Variants in RMDN2 observed in about 807,000 individuals in gnomAD.
The protein encoded by RMDN2 is regulator of microtubule dynamics 2, also known as regulator of microtubule dynamics protein 2.
In RMDN2, 61 loss-of-function variants were observed where a neutral mutation model predicts 52.8. The observed-to-expected ratio is 1.16, with a 90% CI of 0.94 to 1.43. The LOEUF is 1.43. RMDN2 is among the 40% of genes most tolerant of loss of function. The pLI, the probability that RMDN2 is intolerant of heterozygous loss-of-function variation, is 0.00. For synonymous variants in RMDN2, 180 were observed against 153.1 expected (o/e 1.18, Z -1.30); for missense variants, 592 against 475.3 (o/e 1.25, Z -2.28).
At chr2:38,007,914 C>G (rs1213361550) in intron 10 of RMDN2, among the ~76,000 whole-genome samples, 1 of 152,038 alleles carries the variant, frequency 6.6e-6, no homozygotes, top group Non-Finnish European at 1.5e-5. Flanking sequence ...TATCTTTGTT[C>G]TCGTTGGTTT....
At chr2:37,958,127 G>T (rs1228039085) in intron 2 of RMDN2, among the ~76,000 whole-genome samples, 1 of 152,098 alleles carries the variant, frequency 6.6e-6, no homozygotes. Flanking sequence ...TGACTATATG[G>T]GCTCTTTTTT....
At chr2:37,930,124 A>G (rs1666605265) in intron 2 of RMDN2, among the ~76,000 whole-genome samples, 1 of 152,244 alleles carries the variant, frequency 6.6e-6, no homozygotes, top group African/African-American at 2.4e-5. Flanking sequence ...CCAATGTGGT[A>G]GCCACTAGCC....
At chr2:38,018,252 A>G (rs537647569), downstream of RMDN2, among the ~76,000 whole-genome samples, 3 of 152,346 alleles carry the variant, frequency 2.0e-5, no homozygotes, top group East Asian at 1.9e-4. Context: ...CAATATTGTC[A>G]TGAGATGGAG....
upstream of RMDN2, among the ~76,000 whole-genome samples, chr2:37,921,961 C>G (rs946427564): frequency 7.2e-5 from 11 of 152,194 alleles, no homozygotes; most frequent in South Asian, 1.4e-3. Flanking sequence ...TGCTCCTCCT[C>G]GTTTACAAAT....
chr2:37,954,553 C>G (rs1451523029), intron 2 of RMDN2, among the ~76,000 whole-genome samples: 1 of 152,028 alleles, frequency 6.6e-6, no homozygotes, highest in Admixed American at 6.6e-5. Flanking sequence ...TTTCACCAGC[C>G]TATACATCTG....
intron 2 of RMDN2, among the ~76,000 whole-genome samples, chr2:37,938,231 C>T (rs1262629630): frequency 1.2e-4 from 18 of 152,154 alleles, no homozygotes; most frequent in Admixed American, 1.2e-3. Flanking sequence ...AGCCTTGCAT[C>T]CCAGGGATGA....
intron 2 of RMDN2, chr2:37,951,798 A>G (rs2124965766): frequency 6.2e-7 from 1 of 1,613,504 alleles, no homozygotes; most frequent in South Asian, 1.1e-5. Flanking sequence ...AACAAACACT[A>G]CTTCTCCAGC....
At chr2:38,001,413 T>TGGATG (rs1676306333) in intron 8 of RMDN2, among the ~76,000 whole-genome samples, 1 of 152,218 alleles carries the variant, frequency 6.6e-6, no homozygotes, top group African/African-American at 2.4e-5. Flanking sequence ...TCCTTGTAAT[T>TGGATG]CATCCAAGTC....
chr2:38,018,197 C>G (rs2125252130), downstream of RMDN2, among the ~76,000 whole-genome samples: 1 of 152,274 alleles, frequency 6.6e-6, no homozygotes, highest in South Asian at 2.1e-4. Context: ...AGGCCTGACA[C>G]TAGCAAGGAT....
intron 2 of RMDN2, among the ~76,000 whole-genome samples, chr2:37,932,011 G>C (rs1272452853): frequency 6.6e-6 from 1 of 151,454 alleles, no homozygotes; most frequent in Non-Finnish European, 1.5e-5. Context: ...CAAACAGTTT[G>C]GATTTTTTTG....
At chr2:38,039,085 C>CAG (rs1186431927) in intron 10 of RMDN2, among the ~76,000 whole-genome samples, 42 of 85,854 alleles carry the variant, frequency 4.9e-4, no homozygotes, top group African/African-American at 2.4e-3. Flanking sequence ...CACACACACA[C>CAG]ACACACACAG....
At chr2:37,987,285 C>T (rs867937346) in intron 5 of RMDN2, among the ~76,000 whole-genome samples, 7 of 152,100 alleles carry the variant, frequency 4.6e-5, no homozygotes, top group Non-Finnish European at 7.4e-5. Flanking sequence ...CTATGAGAAA[C>T]GCTTAACAAA....
chr2:37,960,213 C>T (rs543357107), intron 2 of RMDN2, among the ~76,000 whole-genome samples: 10 of 152,136 alleles, frequency 6.6e-5, no homozygotes, highest in South Asian at 2.1e-4. Context: ...TTTTCTGTCT[C>T]GTTGATCTGT....
intron 1 of RMDN2, among the ~76,000 whole-genome samples, chr2:37,926,359 T>G (rs1269327451): frequency 6.6e-6 from 1 of 152,214 alleles, no homozygotes; most frequent in Non-Finnish European, 1.5e-5. Context: ...AGAAAACATT[T>G]CATATTCTAT....
intron 10 of RMDN2, among the ~76,000 whole-genome samples, chr2:38,041,344 A>G (rs756220071): frequency 7.3e-5 from 11 of 149,794 alleles, no homozygotes; most frequent in Non-Finnish European, 1.0e-4. Context: ...TTCAAATTTT[A>G]TATTTATAAC....
At chr2:38,062,772 C>CG (rs1452705704) in intron 10 of RMDN2, among the ~76,000 whole-genome samples, 1 of 118,172 alleles carries the variant, frequency 8.5e-6, no homozygotes, top group South Asian at 4.0e-4. Flanking sequence ...CCCCCCTTCC[C>CG]CCCCCCCACA....
At chr2:38,025,998 C>T (rs1277653426) in intron 10 of RMDN2, among the ~76,000 whole-genome samples, 1 of 151,964 alleles carries the variant, frequency 6.6e-6, no homozygotes, top group African/African-American at 2.4e-5. Context: ...TCTTCATTTT[C>T]CTTAAAAACT....
At chr2:38,005,169 G>C (rs139076880) in intron 10 of RMDN2, among the ~76,000 whole-genome samples, 1 of 152,194 alleles carries the variant, frequency 6.6e-6, no homozygotes, top group South Asian at 2.1e-4. Context: ...ACGTGTGCAT[G>C]TGTCTTTAAA....
intron 2 of RMDN2, among the ~76,000 whole-genome samples, chr2:37,940,194 A>G (rs1667664281): frequency 6.6e-6 from 1 of 152,226 alleles, no homozygotes; most frequent in East Asian, 1.9e-4. Context: ...TTCTTTAAGA[A>G]TGTTAAATAT....
Sources: gnomAD v4.1 joint callset for allele counts (sites outside exome capture counted in the v4.1 genomes callset) on GRCh38, gnomAD v4.1.1 for gene constraint, MANE v1.5 for transcripts, NCBI Gene and HGNC (gene_info 2026-07-23, HGNC 2026-07-21) for gene names.